Variants in RPS6KC1 observed in about 807,000 individuals in gnomAD.
RPS6KC1 encodes ribosomal protein S6 kinase C1.
RPS6KC1 carries 54 observed loss-of-function variants against 103.8 expected under a neutral mutation model. That is an observed-to-expected ratio of 0.52 (90% CI 0.42 to 0.65). The LOEUF is 0.65. Ranked by LOEUF, RPS6KC1 falls within the 30% of genes least tolerant of loss-of-function variation. RPS6KC1 has a pLI of 0.00. For synonymous variants in RPS6KC1, 439 were observed against 438.7 expected (o/e 1.00, Z -0.01); for missense variants, 1,151 against 1,253.8 (o/e 0.92, Z 1.24).
the RPS6KC1 span, among the ~76,000 whole-genome samples, chr1:213,440,285 T>C: frequency 6.6e-6 from 1 of 152,172 alleles, no homozygotes; most frequent in Non-Finnish European, 1.5e-5. Flanking sequence ...GGCTCAGGGC[T>C]AAGTCCAGAA....
chr1:213,227,203 G>C (rs1298903249), intron 8 of RPS6KC1, among the ~76,000 whole-genome samples: 1 of 152,182 alleles, frequency 6.6e-6, no homozygotes, highest in Non-Finnish European at 1.5e-5. Context: ...TCATTCTTGT[G>C]TCTTTAGTTT....
intron 6 of RPS6KC1, among the ~76,000 whole-genome samples, chr1:213,139,501 C>G: frequency 6.6e-6 from 1 of 152,054 alleles, no homozygotes; most frequent in South Asian, 2.1e-4. Context: ...TTTAATCCAT[C>G]TTTAGTTGAT....
the RPS6KC1 span, among the ~76,000 whole-genome samples, chr1:213,553,961 C>T: frequency 6.6e-5 from 10 of 152,000 alleles, no homozygotes; most frequent in African/African-American, 2.4e-4. Flanking sequence ...CAAATATTTT[C>T]TTCCTATTCT....
At chr1:213,528,731 A>C in the RPS6KC1 span, among the ~76,000 whole-genome samples, 1 of 152,134 alleles carries the variant, frequency 6.6e-6, no homozygotes, top group Non-Finnish European at 1.5e-5. Context: ...TCTGTGGTTC[A>C]TCTAGGTCTG....
chr1:213,637,957 T>C, the RPS6KC1 span, among the ~76,000 whole-genome samples: 1 of 151,894 alleles, frequency 6.6e-6, no homozygotes, highest in East Asian at 1.9e-4. Flanking sequence ...GCTGGGACTA[T>C]AGCTGTGCAC....
chr1:213,646,499 G>A, the RPS6KC1 span, among the ~76,000 whole-genome samples: 1 of 152,128 alleles, frequency 6.6e-6, no homozygotes, highest in Non-Finnish European at 1.5e-5. Flanking sequence ...CTCCTGTTCT[G>A]TGCAGTACCA....
chr1:213,180,622 C>T (rs982748177), intron 8 of RPS6KC1, among the ~76,000 whole-genome samples: 10 of 151,986 alleles, frequency 6.6e-5, no homozygotes, highest in African/African-American at 2.2e-4. Context: ...GGTTTATTTA[C>T]ATAGTCTTTG....
At chr1:213,533,954 T>C in the RPS6KC1 span, among the ~76,000 whole-genome samples, 1 of 152,242 alleles carries the variant, frequency 6.6e-6, no homozygotes, top group East Asian at 1.9e-4. Flanking sequence ...GGAATGGCAC[T>C]GAAGGTCTCA....
chr1:213,514,692 G>A, the RPS6KC1 span, among the ~76,000 whole-genome samples: 19 of 152,236 alleles, frequency 1.2e-4, no homozygotes, highest in East Asian at 3.1e-3. Context: ...ATAAACATAC[G>A]TGTGCATATG....
chr1:213,666,353 C>T, the RPS6KC1 span, among the ~76,000 whole-genome samples: 7 of 152,182 alleles, frequency 4.6e-5, no homozygotes, highest in African/African-American at 1.4e-4. Context: ...CAGAATTTCA[C>T]AACTTCCACA....
chr1:213,844,873 A>G, the RPS6KC1 span, among the ~76,000 whole-genome samples: 3 of 152,306 alleles, frequency 2.0e-5, no homozygotes, highest in Admixed American at 6.5e-5. Flanking sequence ...GTATGAAGTC[A>G]GATGCACACC....
chr1:213,226,587 A>G (rs2093968397), intron 8 of RPS6KC1, among the ~76,000 whole-genome samples: 1 of 152,146 alleles, frequency 6.6e-6, no homozygotes, highest in Non-Finnish European at 1.5e-5. Flanking sequence ...TGAAAGGCTT[A>G]TATATGTCAC....
chr1:213,629,295 A>G, the RPS6KC1 span, among the ~76,000 whole-genome samples: 1 of 151,992 alleles, frequency 6.6e-6, no homozygotes, highest in Admixed American at 6.6e-5. Context: ...TATTTAGGAT[A>G]GTTAGCTCTT....
the RPS6KC1 span, among the ~76,000 whole-genome samples, chr1:213,355,648 T>G: frequency 2.0e-5 from 3 of 152,236 alleles, no homozygotes; most frequent in Admixed American, 6.5e-5. Context: ...AAGTTGTCTC[T>G]TGCAGAACAC....
chr1:213,072,068 G>A (rs756334905), intron 2 of RPS6KC1, among the ~76,000 whole-genome samples: 1 of 150,796 alleles, frequency 6.6e-6, no homozygotes, highest in Admixed American at 6.6e-5. Context: ...CATATATCAG[G>A]ATTTTTTCCG....
chr1:213,449,599 T>C, the RPS6KC1 span, among the ~76,000 whole-genome samples: 1 of 152,198 alleles, frequency 6.6e-6, no homozygotes, highest in East Asian at 1.9e-4. Flanking sequence ...TCTCCAAATA[T>C]AGTCTCTGGG....
At chr1:213,465,169 A>G in the RPS6KC1 span, among the ~76,000 whole-genome samples, 1 of 152,116 alleles carries the variant, frequency 6.6e-6, no homozygotes, top group African/African-American at 2.4e-5. Flanking sequence ...CCCTCTGCCC[A>G]GTTCTGCTTC....
chr1:213,051,435 C>T lies in RPS6KC1; in HGVS notation c.31C>T (p.Leu11=), dbSNP rs2148221275. Residue 11 remains leucine (L), a synonymous_variant, in exon 1 of 15, where the codon CTG becomes TTG. Transcript: ENST00000366960. ...CTCTTACCGGGAGCGGAGTGCCGACCTGGCCCGTTTCTACACTGTCACCGA... is the reference window on the plus strand; with the variant it reads ...CTCTTACCGGGAGCGGAGTGCCGACTTGGCCCGTTTCTACACTGTCACCGA... MTSYRERSAD[L]ARFYTVTEPQ... is the part of the protein sequence containing the mutation. The T allele has an allele frequency of 6.2e-7, 1 of 1,613,618 alleles. No individual in the cohort carries two copies. The highest frequency in any genetic ancestry group is 1.7e-4 in the Middle Eastern group (1 of 6,036).
chr1:213,402,376 TACTC>T, the RPS6KC1 span, among the ~76,000 whole-genome samples: 1 of 152,172 alleles, frequency 6.6e-6, no homozygotes, highest in Non-Finnish European at 1.5e-5. Context: ...TCCCAGGAAA[TACTC>T]ACACACCCCC....
Sources: allele counts gnomAD v4.1 joint callset (sites outside exome capture counted in the v4.1 genomes callset), GRCh38; gene constraint gnomAD v4.1.1; transcripts MANE v1.5; gene names NCBI Gene and HGNC (gene_info 2026-07-23, HGNC 2026-07-21).